THADA: variants seen among roughly 807,000 people sequenced by gnomAD.
THADA encodes THADA armadillo repeat containing, also known as tRNA (32-2'-O)-methyltransferase regulator THADA.
Under a neutral mutation model 219.8 loss-of-function variants are expected in THADA, and 213 were observed. The observed-to-expected ratio is 0.97, with a 90% CI of 0.87 to 1.09. The LOEUF (loss-of-function observed/expected upper bound fraction) is 1.09. THADA is among the 50% of genes least tolerant of loss of function. THADA has a pLI of 0.00. For missense variants in THADA, 2,956 were observed against 2,311.3 expected (o/e 1.28, Z -5.72); for synonymous variants, 1,018 against 828.9 (o/e 1.23, Z -3.92).
At chr2:43,268,353 C>T (rs531137404) in intron 36 of THADA, among the ~76,000 whole-genome samples, 1 of 152,270 alleles carries the variant, frequency 6.6e-6, no homozygotes, top group Non-Finnish European at 1.5e-5. Context: ...CTGAAAGGTG[C>T]ACAGATTCCC....
intron 13 of THADA, 116 bp downstream of exon 13, chr2:43,571,591 G>T: frequency 1.1e-6 from 1 of 949,490 alleles, no homozygotes; most frequent in Admixed American, 2.3e-5. Flanking sequence ...ATGAACAGAT[G>T]TGGTAGCCCA....
intron 29 of THADA, among the ~76,000 whole-genome samples, chr2:43,388,050 T>C (rs1672903289): frequency 6.6e-6 from 1 of 152,230 alleles, no homozygotes; most frequent in Admixed American, 6.5e-5. Context: ...TTGGGTGCCA[T>C]AAATATATCT....
At position 43,556,362 on chromosome 2, in the gene THADA, T is replaced by TCCA. The variant is rs1248098556; in HGVS notation, c.2654_2656dup (p.Val885dup). On this transcript the variant is annotated inframe_insertion, in exon 17 of 38. Transcript: ENST00000405975. ...ATACAAACCCATTAATGTGTTCCTT[T>TCCA]CCACCACAGCAGCAGGCCTATCTCC... 6.2e-7 allele frequency: 1 copy of TCCA among 1,613,862 alleles called. No homozygotes were observed. Among genetic ancestry groups the TCCA allele is most frequent in the Non-Finnish European group, 8.5e-7 (1 of 1,179,808 alleles).
At chr2:43,468,227 G>A (rs1466928939) in intron 26 of THADA, among the ~76,000 whole-genome samples, 2 of 152,182 alleles carry the variant, frequency 1.3e-5, no homozygotes, top group African/African-American at 4.8e-5. Flanking sequence ...GTAAATTAGG[G>A]AGTAACGCTG....
intron 15 of THADA, chr2:43,566,233 A>C: frequency 2.2e-6 from 1 of 452,246 alleles, no homozygotes; most frequent in Non-Finnish European, 3.9e-6. Flanking sequence ...AATACTTGGA[A>C]ATTACATCCT....
At chr2:43,590,693 G>T in intron 4 of THADA, 131 bp downstream of exon 4, 3 of 732,952 alleles carry the variant, frequency 4.1e-6, no homozygotes, top group Non-Finnish European at 6.3e-6. Context: ...ATGAAACAGA[G>T]AACAAACCAT....
intron 34 of THADA, among the ~76,000 whole-genome samples, chr2:43,287,320 G>GGT (rs1450348833): frequency 6.6e-6 from 1 of 152,022 alleles, no homozygotes; most frequent in East Asian, 1.9e-4. Flanking sequence ...TTTGAGGCAA[G>GGT]GTCTTGCTCT....
chr2:43,291,590 A>G, intron 34 of THADA, 106 bp downstream of exon 34: 1 of 692,854 alleles, frequency 1.4e-6, no homozygotes, highest in East Asian at 3.1e-5. Context: ...ACATACACAT[A>G]TCACAGGGGT....
chr2:43,485,787 T>C (rs1686842944), intron 25 of THADA, among the ~76,000 whole-genome samples: 1 of 151,716 alleles, frequency 6.6e-6, no homozygotes, highest in African/African-American at 2.4e-5. Flanking sequence ...CCCAGCTACT[T>C]GGGAGGCTAA....
At chr2:43,553,004 G>A (rs1347504668) in intron 17 of THADA, among the ~76,000 whole-genome samples, 1 of 152,126 alleles carries the variant, frequency 6.6e-6, no homozygotes, top group African/African-American at 2.4e-5. Flanking sequence ...GCGATCTTTT[G>A]AAACTGGCTT....
chr2:43,513,158 G>A (rs1460851649), intron 22 of THADA, among the ~76,000 whole-genome samples: 1 of 152,112 alleles, frequency 6.6e-6, no homozygotes, highest in African/African-American at 2.4e-5. Flanking sequence ...TTGTTCTTAT[G>A]TCTAATAAGT....
At chr2:43,494,712 A>C (rs1241869098) in intron 25 of THADA, among the ~76,000 whole-genome samples, 1 of 152,216 alleles carries the variant, frequency 6.6e-6, no homozygotes, top group Non-Finnish European at 1.5e-5. Flanking sequence ...ATTATGTGTT[A>C]TCTATCCTTG....
At chr2:43,435,828 G>A (rs1232753556) in intron 26 of THADA, among the ~76,000 whole-genome samples, 16 of 150,544 alleles carry the variant, frequency 1.1e-4, no homozygotes, top group Admixed American at 8.6e-4. Context: ...AAATGCATGA[G>A]GGTTTTTTTT....
chr2:43,254,927 A>C (rs2104161011), intron 36 of THADA, among the ~76,000 whole-genome samples: 1 of 152,258 alleles, frequency 6.6e-6, no homozygotes, highest in South Asian at 2.1e-4. Flanking sequence ...CTTCCCAAAA[A>C]GTTTTTCTGG....
chr2:43,581,600 T>A, intron 8 of THADA, 141 bp downstream of exon 8: 4 of 565,180 alleles, frequency 7.1e-6, no homozygotes, highest in African/African-American at 2.1e-5. Context: ...AGGGCCTCCC[T>A]CCATTTTTGA....
chr2:43,516,208 T>C (rs923040904), intron 22 of THADA, among the ~76,000 whole-genome samples: 6 of 152,230 alleles, frequency 3.9e-5, no homozygotes, highest in African/African-American at 1.4e-4. Context: ...TATTATAGTC[T>C]ATTATCAACA....
At chr2:43,446,598 T>C (rs1681589526) in intron 26 of THADA, among the ~76,000 whole-genome samples, 2 of 152,170 alleles carry the variant, frequency 1.3e-5, no homozygotes, top group African/African-American at 2.4e-5. Flanking sequence ...TGACAACACA[T>C]GGCGAAGAAG....
intron 16 of THADA, among the ~76,000 whole-genome samples, chr2:43,557,966 G>C (rs1458162216): frequency 1.3e-5 from 2 of 152,140 alleles, no homozygotes; most frequent in East Asian, 3.8e-4. Context: ...CTTAAAAGTA[G>C]TGGCCAAAGT....
chr2:43,232,660 G>A lies in THADA; in HGVS notation c.5466+53C>T, dbSNP rs562798936. 9.7e-5 allele frequency: 153 copies of A among 1,575,986 alleles called. 1 individual carries two copies. The South Asian group carries it at 1.2e-3, about 12-fold the overall frequency. On this transcript the variant is annotated intron_variant, in intron 37 of 37. Coordinates refer to ENST00000405975, the MANE Select transcript of THADA (RefSeq NM_022065.5). ...TGAGGCTGTAGGTGCTGCATCTAGCGGGTTTAGGACACTCCAACCCTGCCT... is the reference window on the plus strand; with the variant it reads ...TGAGGCTGTAGGTGCTGCATCTAGCAGGTTTAGGACACTCCAACCCTGCCT...
Sources: gnomAD v4.1 joint callset for allele counts (sites outside exome capture counted in the v4.1 genomes callset) on GRCh38, gnomAD v4.1.1 for gene constraint, MANE v1.5 for transcripts, NCBI Gene and HGNC (gene_info 2026-07-23, HGNC 2026-07-21) for gene names.